GALK2: variants seen among roughly 807,000 people sequenced by gnomAD.
GALK2 encodes the protein galactokinase 2, also known as N-acetylgalactosamine kinase.
In GALK2, 36 loss-of-function variants were observed where a neutral mutation model predicts 52.4. The observed-to-expected ratio is 0.69, with a 90% CI of 0.53 to 0.91. The LOEUF (loss-of-function observed/expected upper bound fraction) is 0.91, where lower values mean the gene tolerates loss of function less well. Among genes scored for constraint, GALK2 ranks in the 40% least tolerant of loss-of-function variants. GALK2 has a pLI of 0.00. For missense variants in GALK2, 579 were observed against 559.1 expected, an observed-to-expected ratio of 1.04 and a Z score of -0.36; for synonymous variants, 176 against 199.1, an observed-to-expected ratio of 0.88 and a Z score of 0.98.
At chr15:49,301,293 C>T (rs1462793791) in intron 8 of GALK2, among the ~76,000 whole-genome samples, 1 of 152,144 alleles carries the variant, frequency 6.6e-6, no homozygotes, top group African/African-American at 2.4e-5. Context: ...TCAAATTAAA[C>T]ACACACAAAG....
intron 5 of GALK2, among the ~76,000 whole-genome samples, chr15:49,263,086 C>T (rs544445778): frequency 4.1e-4 from 49 of 118,250 alleles, no homozygotes; most frequent in Non-Finnish European, 5.7e-4. Flanking sequence ...CTATTAGGTC[C>T]GCTTGGTGCA....
chr15:49,313,643 C>G (rs542841497), intron 8 of GALK2, among the ~76,000 whole-genome samples: 10 of 152,306 alleles, frequency 6.6e-5, no homozygotes, highest in Non-Finnish European at 1.2e-4. Context: ...TTATAAGTTC[C>G]CTTAATGCAG....
chr15:49,365,821 C>T (rs2045067941), intron 3 of GALK2: 2 of 871,292 alleles, frequency 2.3e-6, no homozygotes, highest in Non-Finnish European at 4.0e-6. Flanking sequence ...AAACATAAGT[C>T]TCACTTCCAT....
intron 3 of GALK2, among the ~76,000 whole-genome samples, chr15:49,221,832 T>C (rs2089819185): frequency 6.6e-6 from 1 of 152,186 alleles, no homozygotes; most frequent in African/African-American, 2.4e-5. Context: ...TGAGGTCAGA[T>C]AGCGTGACCC....
chr15:49,364,975 G>T, intron 3 of GALK2: 1 of 366,930 alleles, frequency 2.7e-6, no homozygotes, highest in South Asian at 4.0e-5. Flanking sequence ...AATTATTTAT[G>T]ATGTAACTGT....
chr15:49,192,485 G>GTGTATATATATA (rs1360198549), intron 1 of GALK2, among the ~76,000 whole-genome samples: 58 of 102,968 alleles, frequency 5.6e-4, no homozygotes, highest in Middle Eastern at 0.01. Context: ...ATATATATAT[G>GTGTATATATATA]TATATATATA....
At chr15:49,326,441 G>A (rs1422828548) in intron 9 of GALK2, among the ~76,000 whole-genome samples, 3 of 151,750 alleles carry the variant, frequency 2.0e-5, no homozygotes, top group African/African-American at 7.3e-5. Context: ...TAGTAGAGAC[G>A]GGGTTTCACC....
At chr15:49,252,347 A>G (rs901001865) in intron 5 of GALK2, among the ~76,000 whole-genome samples, 1 of 152,076 alleles carries the variant, frequency 6.6e-6, no homozygotes, top group Non-Finnish European at 1.5e-5. Flanking sequence ...ATAAATTGGG[A>G]ATCATTCCAT....
intron 8 of GALK2, among the ~76,000 whole-genome samples, chr15:49,295,212 A>T (rs1487214948): frequency 1.3e-5 from 2 of 151,926 alleles, no homozygotes; most frequent in African/African-American, 4.8e-5. Context: ...GGAAGAAGAA[A>T]AGAAATATAA....
intron 1 of GALK2, among the ~76,000 whole-genome samples, chr15:49,174,608 T>G (rs2085321121): frequency 6.6e-6 from 1 of 152,186 alleles, no homozygotes; most frequent in Admixed American, 6.5e-5. Flanking sequence ...TCTCCCAAAG[T>G]GCTGGGATTA....
At chr15:49,367,310 A>T (rs566762885) in intron 3 of GALK2, 1 of 717,860 alleles carries the variant, frequency 1.4e-6, no homozygotes, top group African/African-American at 1.9e-5. Context: ...AGTTTTAAGC[A>T]TAAGTAAATA....
Position 49,329,307 on chromosome 15 carries a change from C to CTGGCTTTCTCT in GALK2, c.*1149_*1150insGGCTTTCTCTT, listed in dbSNP as rs2038139532. The CTGGCTTTCTCT allele has an allele frequency of 1.0e-6, 1 of 985,146 alleles. No homozygotes were observed. The highest frequency in any genetic ancestry group is 4.7e-5 in the South Asian group (1 of 21,280). The allele number at this position is 985,146 out of a possible 1,614,324, so 61.0% of individuals were successfully genotyped here. Reference sequence around the variant, plus strand: ...TGACTGGCTTTCTCTTGTGGATGGACTATAGGAAGCACTTTCTGAATTATG... The same window carrying CTGGCTTTCTCT: ...TGACTGGCTTTCTCTTGTGGATGGACTGGCTTTCTCTTATAGGAAGCACTTTCTGAATTATG... On this transcript the variant is annotated 3_prime_UTR_variant, in exon 10 of 10. Coordinates refer to ENST00000560031, the MANE Select transcript of GALK2 (RefSeq NM_002044.4).
chr15:49,265,135 A>T (rs180916426), intron 5 of GALK2, among the ~76,000 whole-genome samples: 17 of 152,244 alleles, frequency 1.1e-4, no homozygotes, highest in Admixed American at 8.5e-4. Flanking sequence ...AAGTCTGCAG[A>T]GGTTACTGCT....
chr15:49,218,600 G>A (rs1212299746), intron 3 of GALK2, among the ~76,000 whole-genome samples: 1 of 152,066 alleles, frequency 6.6e-6, no homozygotes, highest in Non-Finnish European at 1.5e-5. Context: ...GATTCTACCA[G>A]GACCCCTAGG....
chr15:49,255,447 T>A lies in GALK2; in HGVS notation c.504+16080T>A, dbSNP rs751565568. Among the ~76,000 whole-genome samples the A allele has an allele frequency of 6.3e-5, 9 of 143,154 alleles. 1 individual carries two copies. Among genetic ancestry groups the A allele is most frequent in the Non-Finnish European group, 1.1e-4 (7 of 63,822 alleles). 93.9% of individuals were successfully genotyped at this position (143,154 alleles called of 152,430 possible). A position where few individuals can be genotyped will look rare whatever the true frequency, so the allele number is the denominator to read the frequency against. On this transcript the variant is annotated intron_variant, in intron 5 of 9. Coordinates refer to ENST00000560031, the MANE Select transcript of GALK2 (RefSeq NM_002044.4). The stretch of plus-strand genomic sequence containing the variant: ...AGCATTTTTTTGTCTTTTATGACAC[T>A]GACAATTTTGAAGCGTCCAGGCCAA...
chr15:49,311,183 G>C (rs1164084330), intron 8 of GALK2, among the ~76,000 whole-genome samples: 1 of 152,032 alleles, frequency 6.6e-6, no homozygotes. Flanking sequence ...TTTTAACCAG[G>C]ATTCAACAAT....
intron 4 of GALK2, among the ~76,000 whole-genome samples, chr15:49,236,776 G>C (rs1355829808): frequency 6.6e-6 from 1 of 152,222 alleles, no homozygotes; most frequent in Non-Finnish European, 1.5e-5. Flanking sequence ...ATGTTTTAGA[G>C]AGCTTGTGTT....
At chr15:49,184,415 G>GT (rs1209803594) in intron 1 of GALK2, among the ~76,000 whole-genome samples, 1 of 151,972 alleles carries the variant, frequency 6.6e-6, no homozygotes, top group Non-Finnish European at 1.5e-5. Flanking sequence ...ATTTTGTTTT[G>GT]TTTTTAATCC....
intron 5 of GALK2, among the ~76,000 whole-genome samples, chr15:49,258,794 A>G (rs12906000): frequency 0.32 from 33,112 of 102,930 alleles, 5,032 homozygotes; most frequent in East Asian, 0.44. Context: ...ATATATATAT[A>G]TGTGTGTGTG....
Sources: allele counts gnomAD v4.1 joint callset (sites outside exome capture counted in the v4.1 genomes callset), GRCh38; gene constraint gnomAD v4.1.1; transcripts MANE v1.5; gene names NCBI Gene and HGNC (gene_info 2026-07-23, HGNC 2026-07-21).